ARHGAP26: variants seen among roughly 807,000 people sequenced by gnomAD.
ARHGAP26 encodes Rho GTPase activating protein 26, also known as rho GTPase-activating protein 26.
A neutral mutation model predicts 104.8 loss-of-function variants in ARHGAP26; 38 were observed. The observed-to-expected ratio is 0.36, with a 90% CI of 0.28 to 0.48. ARHGAP26 has a LOEUF of 0.48. Ranked by LOEUF, ARHGAP26 falls within the 20% of genes least tolerant of loss-of-function variation. The pLI, the probability that ARHGAP26 is intolerant of heterozygous loss-of-function variation, is 0.99. For missense variants in ARHGAP26, 704 were observed against 947.9 expected, an observed-to-expected ratio of 0.74 and a Z score of 3.38; for synonymous variants, 341 against 340.0, an observed-to-expected ratio of 1.00 and a Z score of -0.03.
intron 11 of ARHGAP26, among the ~76,000 whole-genome samples, chr5:142,933,056 T>C (rs188265267): frequency 6.6e-6 from 1 of 152,342 alleles, no homozygotes; most frequent in Non-Finnish European, 1.5e-5. Context: ...TAATTAAGCA[T>C]TGTTTAATCT....
In ARHGAP26 at chr5:143,228,559, T is replaced by C. The variant is rs1811836474; in HGVS notation, c.*6113T>C. ...AGCTAAGGCTAGTGTTCAAAAGCACTCTAAAAGACATTTTGTCCACATTTT... is the reference window on the plus strand; with the variant it reads ...AGCTAAGGCTAGTGTTCAAAAGCACCCTAAAAGACATTTTGTCCACATTTT... On this transcript the variant is annotated 3_prime_UTR_variant, in exon 23 of 23. Coordinates refer to ENST00000645722, the MANE Select transcript of ARHGAP26 (RefSeq NM_001135608.3). 1 of 219,826 alleles carries C rather than the reference T, an allele frequency of 4.5e-6. No homozygotes were observed. The highest frequency in any genetic ancestry group is 9.1e-6 in the Non-Finnish European group (1 of 109,470). The allele number at this position is 219,826 out of a possible 1,614,324, so 13.6% of individuals were successfully genotyped here.
At chr5:142,783,617 A>G (rs967400765) in intron 1 of ARHGAP26, among the ~76,000 whole-genome samples, 4 of 152,188 alleles carry the variant, frequency 2.6e-5, no homozygotes, top group Admixed American at 1.3e-4. Context: ...AAACCCAGAG[A>G]GAGCTGATCT....
chr5:142,971,285 G>T (rs1772234013), intron 11 of ARHGAP26, among the ~76,000 whole-genome samples: 1 of 152,114 alleles, frequency 6.6e-6, no homozygotes, highest in African/African-American at 2.4e-5. Context: ...AATAACCATG[G>T]TTATAAGTAA....
Position 143,225,986 on chromosome 5 carries a change from G to T in ARHGAP26, c.*3540G>T. ...CCCCTACCTCTGACTCTCTCTGTGT[G>T]AACAGGAAACTTTAGGGCAGATGAG... On this transcript the variant is annotated 3_prime_UTR_variant, in exon 23 of 23. Transcript: ENST00000645722. 2 of 218,194 alleles carry T rather than the reference G, an allele frequency of 9.2e-6. No individual in the cohort carries two copies. Among genetic ancestry groups the T allele is most frequent in the South Asian group, 1.8e-4 (1 of 5,416 alleles). The allele number at this position is 218,194 out of a possible 1,614,324, so 13.5% of individuals were successfully genotyped here.
chr5:142,964,403 A>G (rs1227196455), intron 11 of ARHGAP26, among the ~76,000 whole-genome samples: 1 of 152,212 alleles, frequency 6.6e-6, no homozygotes, highest in Non-Finnish European at 1.5e-5. Flanking sequence ...TGCGTATCCT[A>G]CTACCTATAT....
intron 11 of ARHGAP26, among the ~76,000 whole-genome samples, chr5:142,989,222 A>G (rs955580053): frequency 3.3e-5 from 5 of 152,172 alleles, no homozygotes; most frequent in Admixed American, 1.3e-4. Context: ...TTCTTGTTGA[A>G]TTGATCCCTT....
At chr5:142,896,617 A>G (rs1005823310) in intron 6 of ARHGAP26, among the ~76,000 whole-genome samples, 16 of 152,160 alleles carry the variant, frequency 1.1e-4, no homozygotes, top group Non-Finnish European at 1.9e-4. Flanking sequence ...TTCTTGAGAA[A>G]AGAAATCTCT....
chr5:143,023,519 G>A (rs1342564990), intron 12 of ARHGAP26, among the ~76,000 whole-genome samples: 1 of 152,126 alleles, frequency 6.6e-6, no homozygotes, highest in Non-Finnish European at 1.5e-5. Context: ...GCAGAAAAGA[G>A]GATTTGTTTT....
chr5:142,785,817 A>G (rs1269242559), intron 1 of ARHGAP26, among the ~76,000 whole-genome samples: 1 of 151,942 alleles, frequency 6.6e-6, no homozygotes. Context: ...CGTGTTTTCT[A>G]CCATCTGTAT....
At chr5:143,034,602 G>A (rs1228106096) in intron 12 of ARHGAP26, among the ~76,000 whole-genome samples, 1 of 152,164 alleles carries the variant, frequency 6.6e-6, no homozygotes, top group Non-Finnish European at 1.5e-5. Flanking sequence ...CATGGCTAAT[G>A]TGTATGGGTT....
chr5:143,177,823 C>T (rs959985023), intron 20 of ARHGAP26, among the ~76,000 whole-genome samples: 1 of 151,948 alleles, frequency 6.6e-6, no homozygotes, highest in Admixed American at 6.6e-5. Flanking sequence ...GTTTCTTGTT[C>T]ACTATTGTTT....
chr5:142,779,736 A>G (rs1289280398), intron 1 of ARHGAP26, among the ~76,000 whole-genome samples: 2 of 152,226 alleles, frequency 1.3e-5, no homozygotes. Context: ...TAGATCTCCA[A>G]GCTGACTGAG....
intron 11 of ARHGAP26, among the ~76,000 whole-genome samples, chr5:143,008,481 G>A (rs1389734594): frequency 3.3e-5 from 5 of 152,206 alleles, no homozygotes; most frequent in African/African-American, 1.2e-4. Context: ...GCCTTATTCA[G>A]TGTGTCTCCA....
At chr5:142,771,125 C>T in intron 1 of ARHGAP26, 1 of 1,320,320 alleles carries the variant, frequency 7.6e-7, no homozygotes. Context: ...CCGCCTTTTG[C>T]GTTCAGGGAT....
intron 17 of ARHGAP26, among the ~76,000 whole-genome samples, chr5:143,097,547 G>A (rs183618325): frequency 0.011 from 1,631 of 152,016 alleles, 16 homozygotes; most frequent in Non-Finnish European, 0.015. Flanking sequence ...ATGGCCGGGC[G>A]CGGTGGCTCA....
At chr5:143,085,912 A>G (rs945752963) in intron 17 of ARHGAP26, among the ~76,000 whole-genome samples, 3 of 152,206 alleles carry the variant, frequency 2.0e-5, no homozygotes, top group African/African-American at 7.2e-5. Context: ...ATATTTAAAT[A>G]GTTTTAGCTA....
In ARHGAP26 at chr5:143,189,297, G is replaced by A. The variant is rs141816030; in HGVS notation, c.1989-17901G>A. The stretch of plus-strand genomic sequence containing the variant: ...GGTTAGCTTTGTTTTAATCCTAAAT[G>A]TTTAACCATAAAAAAGATGCACTTG... On this transcript the variant is annotated intron_variant, in intron 20 of 22. Transcript: ENST00000645722. Among the ~76,000 whole-genome samples the A allele has an allele frequency of 5.8e-3, 885 of 152,250 alleles. 7 individuals carry two copies. Among genetic ancestry groups the A allele is most frequent in the African/African-American group, 0.02 (842 of 41,546 alleles).
At chr5:143,146,167 G>A (rs191979037) in intron 19 of ARHGAP26, among the ~76,000 whole-genome samples, 1 of 152,170 alleles carries the variant, frequency 6.6e-6, no homozygotes, top group Admixed American at 6.5e-5. Flanking sequence ...AATAAATAGG[G>A]GACAAGAATC....
chr5:142,940,885 G>A (rs1269242209), intron 11 of ARHGAP26, among the ~76,000 whole-genome samples: 2 of 151,754 alleles, frequency 1.3e-5, no homozygotes, highest in African/African-American at 4.8e-5. Flanking sequence ...GACCATCCTG[G>A]CTAACACGGT....
Sources: gnomAD v4.1 joint callset for allele counts (sites outside exome capture counted in the v4.1 genomes callset) on GRCh38, gnomAD v4.1.1 for gene constraint, MANE v1.5 for transcripts, NCBI Gene and HGNC (gene_info 2026-07-23, HGNC 2026-07-21) for gene names.